PTPRJ: variants seen among roughly 807,000 people sequenced by gnomAD.
PTPRJ encodes the protein receptor-type tyrosine-protein phosphatase eta.
PTPRJ carries 129 observed loss-of-function variants against 141.3 expected under a neutral mutation model. That is an observed-to-expected ratio of 0.91 (90% confidence interval 0.79 to 1.06). PTPRJ has a LOEUF of 1.06. Among genes scored for constraint, PTPRJ ranks in the 50% least tolerant of loss-of-function variants. The pLI is 0.00. For missense variants in PTPRJ, 1,601 were observed against 1,679.7 expected (o/e 0.95, Z 0.82); for synonymous variants, 610 against 640.5 (o/e 0.95, Z 0.72).
chr11:47,993,017 ACCAGTATAAAGT>A (rs2134180840), intron 1 of PTPRJ, among the ~76,000 whole-genome samples: 2 of 152,278 alleles, frequency 1.3e-5, no homozygotes, highest in East Asian at 3.9e-4. Flanking sequence ...AGTAAAAAAA[ACCAGTATAAAGT>A]CCCCAATTAT....
At chr11:48,084,337 A>G (rs1437293675) in intron 1 of PTPRJ, among the ~76,000 whole-genome samples, 1 of 152,002 alleles carries the variant, frequency 6.6e-6, no homozygotes, top group East Asian at 1.9e-4. Flanking sequence ...CACCACGCCC[A>G]CACACCCTAC....
At chr11:48,015,572 T>C (rs545004187) in intron 1 of PTPRJ, among the ~76,000 whole-genome samples, 1 of 152,254 alleles carries the variant, frequency 6.6e-6, no homozygotes, top group Non-Finnish European at 1.5e-5. Context: ...TGGGTATAGT[T>C]AAATTTTAAA....
chr11:48,092,294 C>CAGAAAA (rs1855886763), intron 1 of PTPRJ, among the ~76,000 whole-genome samples: 1 of 46,956 alleles, frequency 2.1e-5, no homozygotes, highest in African/African-American at 7.4e-5. Flanking sequence ...GATTTCATCT[C>CAGAAAA]AAAAAAAAAA....
In PTPRJ at chr11:48,021,376, AAAATAAATAAATAAAT is replaced by A. The variant is rs71457241; in HGVS notation, c.96+40400_96+40415del. Among the ~76,000 whole-genome samples, 926 of 136,534 alleles carry A rather than the reference AAAATAAATAAATAAAT, an allele frequency of 6.8e-3. 7 individuals carry two copies. The highest frequency in any genetic ancestry group is 8.9e-3 in the African/African-American group (326 of 36,520). 89.6% of individuals were successfully genotyped at this position (136,534 alleles called of 152,430 possible). A position where few individuals can be genotyped will look rare whatever the true frequency, so the allele number is the denominator to read the frequency against. On this transcript the variant is annotated intron_variant, in intron 1 of 24. Coordinates refer to ENST00000418331, the MANE Select transcript of PTPRJ (RefSeq NM_002843.4). The stretch of plus-strand genomic sequence containing the variant: ...GCGGCAAGAGCAAGACTCCGTCCCT[AAAATAAATAAATAAAT>A]AAATAAATAAATAAATAAATAAATA...
At chr11:48,006,301 A>AGAGG (rs1854620809) in intron 1 of PTPRJ, among the ~76,000 whole-genome samples, 1 of 151,932 alleles carries the variant, frequency 6.6e-6, no homozygotes, top group Non-Finnish European at 1.5e-5. Context: ...AGAGAGAGAG[A>AGAGG]GAGGGAGAGG....
intron 1 of PTPRJ, among the ~76,000 whole-genome samples, chr11:48,067,305 G>A (rs552531863): frequency 3.3e-5 from 5 of 152,180 alleles, no homozygotes; most frequent in African/African-American, 4.8e-5. Context: ...GCGGACAATG[G>A]GGGGAAGGAA....
intron 1 of PTPRJ, among the ~76,000 whole-genome samples, chr11:48,076,723 A>G (rs1855414357): frequency 6.6e-6 from 1 of 151,642 alleles, no homozygotes; most frequent in Non-Finnish European, 1.5e-5. Context: ...TTTAAATGGT[A>G]AAGGGGGAGG....
intron 1 of PTPRJ, among the ~76,000 whole-genome samples, chr11:48,033,321 T>C (rs764626777): frequency 3.9e-5 from 6 of 152,032 alleles, no homozygotes; most frequent in Non-Finnish European, 7.4e-5. Flanking sequence ...GAGCTTGAGA[T>C]ACCTGCTTGG....
chr11:48,060,933 A>AC (rs1283849379), intron 1 of PTPRJ, among the ~76,000 whole-genome samples: 1 of 152,004 alleles, frequency 6.6e-6, no homozygotes, highest in Non-Finnish European at 1.5e-5. Context: ...CTGCTTGGGG[A>AC]CCAGTCCTGG....
At chr11:47,999,040 C>T (rs1490150848) in intron 1 of PTPRJ, among the ~76,000 whole-genome samples, 1 of 152,190 alleles carries the variant, frequency 6.6e-6, no homozygotes, top group Non-Finnish European at 1.5e-5. Context: ...AAAGGATCAT[C>T]CCCTCAAAGA....
At chr11:48,057,543 C>G (rs1180387958) in intron 1 of PTPRJ, among the ~76,000 whole-genome samples, 1 of 152,040 alleles carries the variant, frequency 6.6e-6, no homozygotes, top group Non-Finnish European at 1.5e-5. Flanking sequence ...TACCCAGAGG[C>G]CTTCTCACGT....
chr11:48,158,689 C>T lies in PTPRJ; in HGVS notation c.3439-1241C>T, dbSNP rs1469169556. Among the ~76,000 whole-genome samples, 2 of 152,174 alleles carry T rather than the reference C, an allele frequency of 1.3e-5. No homozygotes were observed. The highest frequency in any genetic ancestry group is 6.5e-5 in the Admixed American group (1 of 15,282). On this transcript the variant is annotated intron_variant, in intron 21 of 24. Coordinates refer to ENST00000418331, the MANE Select transcript of PTPRJ (RefSeq NM_002843.4). This position sits in a 1 kb window ranked among gnomAD's most constrained non-coding sequence, Gnocchi z 4.4. ...CAAAACAAGGCCAGGCACAGAGGCT[C>T]AGGCATGTAATCTCAGCACTTTGGG...
intron 1 of PTPRJ, among the ~76,000 whole-genome samples, chr11:48,093,688 A>C (rs1855930684): frequency 6.6e-6 from 1 of 152,088 alleles, no homozygotes; most frequent in African/African-American, 2.4e-5. Context: ...AAATGTTGTG[A>C]ATTTGGAATT....
chr11:48,061,165 A>G (rs1306759618), intron 1 of PTPRJ, among the ~76,000 whole-genome samples: 1 of 152,102 alleles, frequency 6.6e-6, no homozygotes, highest in Non-Finnish European at 1.5e-5. Context: ...TAGTAGAGAC[A>G]GGATTTCACT....
At chr11:48,047,195 C>T (rs1854430347) in intron 1 of PTPRJ, among the ~76,000 whole-genome samples, 2 of 152,058 alleles carry the variant, frequency 1.3e-5, no homozygotes, top group African/African-American at 4.8e-5. Context: ...GGATTACAGG[C>T]ATGAGCCACA....
intron 1 of PTPRJ, among the ~76,000 whole-genome samples, chr11:48,097,317 T>C (rs1170968190): frequency 6.6e-6 from 1 of 152,174 alleles, no homozygotes; most frequent in African/African-American, 2.4e-5. Context: ...ACAACATGGC[T>C]CATTCAGGGA....
At chr11:48,130,867 A>G (rs1856960475) in intron 8 of PTPRJ, 151 bp downstream of exon 8, 1 of 877,000 alleles carries the variant, frequency 1.1e-6, no homozygotes, top group Non-Finnish European at 1.6e-6. Flanking sequence ...TATTTATTAT[A>G]TGAAATACAG....
At chr11:48,049,316 G>A (rs539523205) in intron 1 of PTPRJ, among the ~76,000 whole-genome samples, 2 of 152,146 alleles carry the variant, frequency 1.3e-5, no homozygotes, top group South Asian at 2.1e-4. Context: ...GAACCACCGA[G>A]TCATGGCAAC....
intron 1 of PTPRJ, among the ~76,000 whole-genome samples, chr11:48,036,784 T>TATCAGATAGTCAGAA (rs1854135835): frequency 6.6e-6 from 1 of 152,214 alleles, no homozygotes; most frequent in African/African-American, 2.4e-5. Flanking sequence ...TTCTCCTGTC[T>TATCAGATAGTCAGAA]TTTTTACCTA....
Sources: allele counts gnomAD v4.1 joint callset (sites outside exome capture counted in the v4.1 genomes callset), GRCh38; gene constraint gnomAD v4.1.1; non-coding constraint Gnocchi (gnomAD v3.1); transcripts MANE v1.5; gene names NCBI Gene and HGNC (gene_info 2026-07-23, HGNC 2026-07-21).